DLGAP1: variants seen among roughly 807,000 people sequenced by gnomAD.
DLGAP1 encodes the protein disks large-associated protein 1.
A neutral mutation model predicts 90.8 loss-of-function variants in DLGAP1; 11 were observed. The ratio of observed to expected loss-of-function variants is 0.12; its 90% CI spans 0.08 to 0.20. DLGAP1 has a LOEUF of 0.20. Ranked by LOEUF, DLGAP1 falls within the 10% of genes least tolerant of loss-of-function variation. DLGAP1 has a pLI of 1.00. For missense variants in DLGAP1, 1,050 were observed against 1,333.8 expected, an observed-to-expected ratio of 0.79 and a Z score of 3.31; for synonymous variants, 558 against 540.7, an observed-to-expected ratio of 1.03 and a Z score of -0.44.
At chr18:3,874,704 C>A in intron 4 of DLGAP1, 1 of 1,534,202 alleles carries the variant, frequency 6.5e-7, no homozygotes, top group South Asian at 1.2e-5. Context: ...TCTTCAAATC[C>A]ATGTTCCTGC....
intron 1 of DLGAP1, among the ~76,000 whole-genome samples, chr18:4,395,411 G>A (rs1567887444): frequency 3.3e-5 from 5 of 152,026 alleles, no homozygotes; most frequent in African/African-American, 9.7e-5. Flanking sequence ...CAAGATTTTT[G>A]CCTTACTTTT....
chr18:4,027,221 T>C (rs950680282), intron 2 of DLGAP1, among the ~76,000 whole-genome samples: 6 of 151,838 alleles, frequency 4.0e-5, no homozygotes, highest in Non-Finnish European at 8.8e-5. Flanking sequence ...ATAGAAATAA[T>C]GTGGTCTGGT....
chr18:3,630,583 T>C (rs2058488717), intron 7 of DLGAP1, among the ~76,000 whole-genome samples: 1 of 152,172 alleles, frequency 6.6e-6, no homozygotes, highest in Admixed American at 6.5e-5. Flanking sequence ...TTTATTTTAT[T>C]TTTTTTCCAA....
At chr18:3,624,218 C>T (rs944761344) in intron 7 of DLGAP1, among the ~76,000 whole-genome samples, 5 of 152,200 alleles carry the variant, frequency 3.3e-5, no homozygotes, top group African/African-American at 9.6e-5. Context: ...AGACAACGGG[C>T]GCCTGTGACC....
chr18:4,027,587 T>C (rs552314795), intron 2 of DLGAP1, among the ~76,000 whole-genome samples: 9 of 148,440 alleles, frequency 6.1e-5, no homozygotes, highest in African/African-American at 2.0e-4. Context: ...ACTTACCTAG[T>C]GAGCCCAGAG....
chr18:4,022,895 T>G (rs1309430309), intron 2 of DLGAP1, among the ~76,000 whole-genome samples: 1 of 131,648 alleles, frequency 7.6e-6, no homozygotes, highest in Non-Finnish European at 1.7e-5. Context: ...GATTATAGAC[T>G]GACACTTTAT....
At chr18:3,982,629 T>C (rs2073757939) in intron 3 of DLGAP1, among the ~76,000 whole-genome samples, 1 of 152,060 alleles carries the variant, frequency 6.6e-6, no homozygotes, top group African/African-American at 2.4e-5. Flanking sequence ...GCCTGACACA[T>C]GGTAAGCCCT....
At chr18:3,908,398 T>C (rs915178286) in intron 3 of DLGAP1, among the ~76,000 whole-genome samples, 2 of 152,220 alleles carry the variant, frequency 1.3e-5, no homozygotes, top group Admixed American at 6.5e-5. Context: ...TGCATAACTA[T>C]AGAATTTTGC....
chr18:3,721,795 T>C (rs1014316783), intron 7 of DLGAP1: 2 of 152,214 alleles, frequency 1.3e-5, no homozygotes, highest in Non-Finnish European at 2.9e-5. Context: ...ACAGAGAGAA[T>C]TTCACTTACT....
intron 1 of DLGAP1, among the ~76,000 whole-genome samples, chr18:4,452,283 A>G (rs1403221738): frequency 6.6e-6 from 1 of 152,126 alleles, no homozygotes; most frequent in African/African-American, 2.4e-5. Context: ...TGAATTTGAA[A>G]TATTACGAGA....
intron 7 of DLGAP1, among the ~76,000 whole-genome samples, chr18:3,715,866 A>G (rs1333474311): frequency 6.6e-6 from 1 of 152,090 alleles, no homozygotes; most frequent in Non-Finnish European, 1.5e-5. Flanking sequence ...CACTTCAAAA[A>G]CCACCTGCAA....
intron 6 of DLGAP1, among the ~76,000 whole-genome samples, chr18:3,731,565 G>A (rs922062838): frequency 1.6e-4 from 23 of 140,914 alleles, no homozygotes; most frequent in African/African-American, 5.5e-5. Flanking sequence ...GCACCACCAC[G>A]CCTGGCTTTT....
intron 3 of DLGAP1, among the ~76,000 whole-genome samples, chr18:3,920,439 A>G (rs1177810348): frequency 6.6e-6 from 1 of 151,436 alleles, no homozygotes; most frequent in Non-Finnish European, 1.5e-5. Context: ...TAGACTTACT[A>G]AAATTATAGT....
intron 1 of DLGAP1, among the ~76,000 whole-genome samples, chr18:4,420,890 T>C (rs952671445): frequency 6.6e-6 from 1 of 152,214 alleles, no homozygotes; most frequent in Non-Finnish European, 1.5e-5. Context: ...CCATGAGGCA[T>C]TATTGATAAG....
At chr18:3,886,033 G>A (rs2071303217) in intron 3 of DLGAP1, among the ~76,000 whole-genome samples, 1 of 152,124 alleles carries the variant, frequency 6.6e-6, no homozygotes, top group Non-Finnish European at 1.5e-5. Context: ...TTTGATTTTT[G>A]TGCATGTCTT....
chr18:4,299,104 A>AAAAAAAAAAAAAAAC (rs1555779074), intron 1 of DLGAP1, among the ~76,000 whole-genome samples: 10 of 131,758 alleles, frequency 7.6e-5, no homozygotes, highest in African/African-American at 1.1e-4. Flanking sequence ...AAAAAAAAAA[A>AAAAAAAAAAAAAAAC]AAAAAATAGA....
chr18:4,219,969 T>C (rs909385205), intron 1 of DLGAP1, among the ~76,000 whole-genome samples: 1 of 152,150 alleles, frequency 6.6e-6, no homozygotes, highest in African/African-American at 2.4e-5. Context: ...TCTAGGTCTT[T>C]TGTGGTTCCA....
chr18:4,299,228 C>T (rs2080065567), intron 1 of DLGAP1, among the ~76,000 whole-genome samples: 1 of 151,972 alleles, frequency 6.6e-6, no homozygotes, highest in South Asian at 2.1e-4. Flanking sequence ...CCAAGATTTA[C>T]AAACCACAAA....
chr18:3,741,032 C>CAT (rs2062916863), intron 6 of DLGAP1, among the ~76,000 whole-genome samples: 1 of 132,356 alleles, frequency 7.6e-6, no homozygotes, highest in Admixed American at 7.4e-5. Flanking sequence ...ACCACCACCA[C>CAT]CACCATCACC....
Sources: gnomAD v4.1 joint callset for allele counts (sites outside exome capture counted in the v4.1 genomes callset) on GRCh38, gnomAD v4.1.1 for gene constraint, MANE v1.5 for transcripts, NCBI Gene and HGNC (gene_info 2026-07-23, HGNC 2026-07-21) for gene names.